The following ABLIM1 variants were observed in gnomAD, a reference collection of about 807,000 sequenced individuals.
ABLIM1 encodes actin binding LIM protein 1.
Under a neutral mutation model 107.0 loss-of-function variants are expected in ABLIM1, and 40 were observed. The observed-to-expected ratio is 0.37, with a 90% CI of 0.29 to 0.49. The LOEUF (loss-of-function observed/expected upper bound fraction) is 0.49. Ranked by LOEUF, ABLIM1 falls within the 20% of genes least tolerant of loss-of-function variation. The pLI is 0.97. For synonymous variants in ABLIM1, 357 were observed against 357.3 expected (o/e 1.00, Z 0.01); for missense variants, 857 against 1,008.5 (o/e 0.85, Z 2.04).
chr10:114,555,847 T>C (rs184700154), intron 4 of ABLIM1, among the ~76,000 whole-genome samples: 2 of 151,950 alleles, frequency 1.3e-5, no homozygotes, highest in South Asian at 2.1e-4. Flanking sequence ...TTTTTTACAA[T>C]AGATCTTAAA....
intron 8 of ABLIM1, among the ~76,000 whole-genome samples, chr10:114,483,521 C>T (rs1156926713): frequency 6.6e-6 from 1 of 152,148 alleles, no homozygotes; most frequent in Non-Finnish European, 1.5e-5. Context: ...TAGTGATCTG[C>T]CCACATTGGC....
intron 1 of ABLIM1, among the ~76,000 whole-genome samples, chr10:114,634,677 T>G (rs553657144): frequency 2.0e-5 from 3 of 152,068 alleles, no homozygotes; most frequent in Non-Finnish European, 2.9e-5. Context: ...TCAGAGAGAT[T>G]TTCCCCCCGC....
At chr10:114,503,956 T>A (rs1361573320) in intron 6 of ABLIM1, among the ~76,000 whole-genome samples, 1 of 152,202 alleles carries the variant, frequency 6.6e-6, no homozygotes, top group Non-Finnish European at 1.5e-5. Context: ...ATAACCTCCA[T>A]ATTTAATTCC....
intron 4 of ABLIM1, among the ~76,000 whole-genome samples, chr10:114,563,555 C>A (rs2070124836): frequency 6.6e-6 from 1 of 152,012 alleles, no homozygotes; most frequent in African/African-American, 2.4e-5. Context: ...AGAATTTAGA[C>A]CAGGACTGGT....
intron 1 of ABLIM1, among the ~76,000 whole-genome samples, chr10:114,766,505 C>G (rs2082896952): frequency 6.6e-6 from 1 of 152,064 alleles, no homozygotes; most frequent in African/African-American, 2.4e-5. Flanking sequence ...TCAGATAAAC[C>G]CGAGACCCTG....
At chr10:114,458,548 C>G (rs1220390393) in intron 12 of ABLIM1, among the ~76,000 whole-genome samples, 2 of 152,154 alleles carry the variant, frequency 1.3e-5, no homozygotes, top group Non-Finnish European at 2.9e-5. Flanking sequence ...AAATGAACAT[C>G]TTGAGGGAAC....
chr10:114,572,197 T>C (rs2071784203), intron 3 of ABLIM1, among the ~76,000 whole-genome samples: 1 of 152,236 alleles, frequency 6.6e-6, no homozygotes, highest in Admixed American at 6.5e-5. Context: ...CCTTGGCCTA[T>C]GTACCAATAA....
chr10:114,797,145 C>T, the ABLIM1 span, among the ~76,000 whole-genome samples: 1 of 152,172 alleles, frequency 6.6e-6, no homozygotes, highest in Non-Finnish European at 1.5e-5. Context: ...GGTCCCCAGA[C>T]GTTGTTGGAA....
the ABLIM1 span, among the ~76,000 whole-genome samples, chr10:114,798,717 G>A: frequency 6.6e-6 from 1 of 152,110 alleles, no homozygotes; most frequent in Non-Finnish European, 1.5e-5. Context: ...CTCCAGCCTG[G>A]GTGACAAAGC....
chr10:114,658,877 T>C (rs2079653390), upstream of ABLIM1, among the ~76,000 whole-genome samples: 1 of 152,172 alleles, frequency 6.6e-6, no homozygotes, highest in African/African-American at 2.4e-5. Context: ...CAGAATCATA[T>C]GATGGAGACA....
chr10:114,645,803 T>C (rs1228736975), intron 1 of ABLIM1, among the ~76,000 whole-genome samples: 2 of 152,214 alleles, frequency 1.3e-5, no homozygotes, highest in Non-Finnish European at 2.9e-5. Context: ...AACTGCCTCA[T>C]AAATAAATAT....
intron 6 of ABLIM1, among the ~76,000 whole-genome samples, chr10:114,518,711 A>G (rs966461443): frequency 6.6e-6 from 1 of 151,898 alleles, no homozygotes; most frequent in African/African-American, 2.4e-5. Context: ...CATAGTCCAC[A>G]AGGCTGAAAA....
At chr10:114,548,827 C>G (rs1244176021) in intron 4 of ABLIM1, among the ~76,000 whole-genome samples, 1 of 152,198 alleles carries the variant, frequency 6.6e-6, no homozygotes, top group African/African-American at 2.4e-5. Flanking sequence ...AGAACACACA[C>G]AGAATAAAGC....
At chr10:114,752,228 G>A (rs372994392) in intron 1 of ABLIM1, among the ~76,000 whole-genome samples, 7 of 152,244 alleles carry the variant, frequency 4.6e-5, no homozygotes, top group East Asian at 3.9e-4. Flanking sequence ...TGGAGGTCCC[G>A]GAGGGCACTC....
At chr10:114,762,802 A>G (rs989665938) in intron 1 of ABLIM1, among the ~76,000 whole-genome samples, 1 of 152,186 alleles carries the variant, frequency 6.6e-6, no homozygotes, top group Admixed American at 6.5e-5. Context: ...TTTTCACTTA[A>G]CAATGTATCA....
At chr10:114,704,302 C>CTATATATATATATATATA (rs369952218) in intron 1 of ABLIM1, among the ~76,000 whole-genome samples, 2 of 43,090 alleles carry the variant, frequency 4.6e-5, no homozygotes, top group Admixed American at 2.3e-4. Context: ...CTCTCTCTCT[C>CTATATATATATATATATA]TATATATATA....
At chr10:114,793,328 G>T in the ABLIM1 span, among the ~76,000 whole-genome samples, 4 of 151,844 alleles carry the variant, frequency 2.6e-5, no homozygotes, top group Admixed American at 6.6e-5. Context: ...AAAGTGCGTG[G>T]CACCTTCCCT....
At chr10:114,693,863 G>C (rs938961193) in intron 1 of ABLIM1, among the ~76,000 whole-genome samples, 7 of 144,956 alleles carry the variant, frequency 4.8e-5, no homozygotes, top group Non-Finnish European at 9.0e-5. Context: ...GGTTATTGCT[G>C]TGTTGCTCAG....
In ABLIM1 at chr10:114,436,081, G is replaced by A. The variant is rs1245388271; in HGVS notation, c.*179C>T. The stretch of plus-strand genomic sequence containing the variant: ...ATTTCTACGCCATGCTTCTTGGCAA[G>A]TGTTACTGTTGGCTGGCCCGACATT... On this transcript the variant is annotated 3_prime_UTR_variant, in exon 23 of 23. Coordinates refer to ENST00000533213, the MANE Select transcript of ABLIM1 (RefSeq NM_002313.7). 3.4e-6 allele frequency: 2 copies of A among 586,708 alleles called. No individual in the cohort carries two copies. The highest frequency in any genetic ancestry group is 6.1e-6 in the Non-Finnish European group (2 of 328,452). 36.3% of individuals were successfully genotyped at this position (586,708 alleles called of 1,614,324 possible). A position where few individuals can be genotyped will look rare whatever the true frequency, so the allele number is the denominator to read the frequency against.
Sources: gnomAD v4.1 joint callset for allele counts (sites outside exome capture counted in the v4.1 genomes callset) on GRCh38, gnomAD v4.1.1 for gene constraint, MANE v1.5 for transcripts, NCBI Gene and HGNC (gene_info 2026-07-23, HGNC 2026-07-21) for gene names.